Variants in HS6ST3 observed in about 807,000 individuals in gnomAD.
HS6ST3 encodes the protein heparan-sulfate 6-O-sulfotransferase 3.
In HS6ST3, 12 loss-of-function variants were observed where a neutral mutation model predicts 36.7. The ratio of observed to expected loss-of-function variants is 0.33; its 90% CI spans 0.21 to 0.53. HS6ST3 has a LOEUF of 0.53. HS6ST3 is among the 20% of genes least tolerant of loss of function. HS6ST3 has a pLI of 0.95. For synonymous variants in HS6ST3, 240 were observed against 257.5 expected (o/e 0.93, Z 0.65); for missense variants, 584 against 640.9 (o/e 0.91, Z 0.96).
intron 1 of HS6ST3, among the ~76,000 whole-genome samples, chr13:96,350,865 C>G (rs1440286971): frequency 6.6e-6 from 1 of 152,148 alleles, no homozygotes; most frequent in East Asian, 1.9e-4. Context: ...TCCCAGGTCT[C>G]AAAAATGCTC....
chr13:96,600,346 A>G (rs923364137), intron 1 of HS6ST3, among the ~76,000 whole-genome samples: 5 of 151,514 alleles, frequency 3.3e-5, no homozygotes, highest in Non-Finnish European at 7.4e-5. Context: ...ACACACACAC[A>G]CACACACACA....
chr13:96,172,788 C>G (rs1237541064), intron 1 of HS6ST3, among the ~76,000 whole-genome samples: 2 of 152,120 alleles, frequency 1.3e-5, no homozygotes, highest in African/African-American at 4.8e-5. Context: ...AAAGGTGTTG[C>G]TTACATTGTC....
intron 1 of HS6ST3, among the ~76,000 whole-genome samples, chr13:96,428,650 G>A (rs1236172457): frequency 2.0e-5 from 3 of 152,110 alleles, no homozygotes; most frequent in Admixed American, 1.3e-4. Flanking sequence ...TTCAAATAAT[G>A]TCAGGTACAA....
intron 1 of HS6ST3, among the ~76,000 whole-genome samples, chr13:96,104,142 G>C (rs1415012043): frequency 6.6e-6 from 1 of 152,088 alleles, no homozygotes; most frequent in Non-Finnish European, 1.5e-5. Flanking sequence ...TTTCTGATTT[G>C]AGAAGACTGT....
At chr13:96,262,341 T>C (rs2054670477) in intron 1 of HS6ST3, among the ~76,000 whole-genome samples, 2 of 152,162 alleles carry the variant, frequency 1.3e-5, no homozygotes, top group Non-Finnish European at 2.9e-5. Flanking sequence ...GGTTGAGCTT[T>C]AAGACAGAAG....
At chr13:96,820,956 C>T (rs958290014) in intron 1 of HS6ST3, among the ~76,000 whole-genome samples, 1 of 152,168 alleles carries the variant, frequency 6.6e-6, no homozygotes, top group African/African-American at 2.4e-5. Flanking sequence ...GGCTTTATTT[C>T]AATTCTCTTG....
At chr13:96,173,631 T>C (rs1015599036) in intron 1 of HS6ST3, among the ~76,000 whole-genome samples, 2 of 129,194 alleles carry the variant, frequency 1.5e-5, no homozygotes, top group African/African-American at 3.0e-5. Flanking sequence ...ACTTACCTGC[T>C]ATAGCAGACT....
At chr13:96,740,332 T>G (rs1876406505) in intron 1 of HS6ST3, among the ~76,000 whole-genome samples, 1 of 152,162 alleles carries the variant, frequency 6.6e-6, no homozygotes, top group Non-Finnish European at 1.5e-5. Flanking sequence ...CATGAGAGAA[T>G]GAACACAAAG....
At chr13:96,786,145 A>G (rs1270376022) in intron 1 of HS6ST3, among the ~76,000 whole-genome samples, 1 of 151,428 alleles carries the variant, frequency 6.6e-6, no homozygotes. Flanking sequence ...ACCCTTTCTT[A>G]CTCCGTTCCC....
intron 1 of HS6ST3, among the ~76,000 whole-genome samples, chr13:96,793,778 A>G (rs1775051751): frequency 6.6e-6 from 1 of 152,044 alleles, no homozygotes; most frequent in South Asian, 2.1e-4. Flanking sequence ...ACATATTGTC[A>G]TCCTGGGATC....
At chr13:96,583,194 T>G (rs553305902) in intron 1 of HS6ST3, among the ~76,000 whole-genome samples, 13 of 135,124 alleles carry the variant, frequency 9.6e-5, no homozygotes, top group African/African-American at 3.6e-4. Flanking sequence ...CTTCAATTTC[T>G]TTTTCTTTTC....
chr13:96,480,929 G>C (rs1430144204), intron 1 of HS6ST3, among the ~76,000 whole-genome samples: 1 of 152,176 alleles, frequency 6.6e-6, no homozygotes, highest in Non-Finnish European at 1.5e-5. Context: ...GTGTACTAAA[G>C]AGAAACTAAA....
chr13:96,290,132 G>T (rs1230091741), intron 1 of HS6ST3, among the ~76,000 whole-genome samples: 12 of 151,890 alleles, frequency 7.9e-5, no homozygotes, highest in Admixed American at 5.3e-4. Flanking sequence ...CTTGCAGAGG[G>T]TGTCACTAGA....
At chr13:96,092,785 T>G (rs952297941) in intron 1 of HS6ST3, among the ~76,000 whole-genome samples, 1 of 152,186 alleles carries the variant, frequency 6.6e-6, no homozygotes, top group African/African-American at 2.4e-5. Context: ...ATGAGCAAAA[T>G]TTCATTATGA....
At chr13:96,822,305 A>T (rs1566462206) in intron 1 of HS6ST3, among the ~76,000 whole-genome samples, 1 of 152,316 alleles carries the variant, frequency 6.6e-6, no homozygotes, top group East Asian at 1.9e-4. Context: ...TGCAGCGCAA[A>T]GCAGGGCGCC....
At chr13:96,545,487 T>C (rs1369046819) in intron 1 of HS6ST3, among the ~76,000 whole-genome samples, 2 of 152,212 alleles carry the variant, frequency 1.3e-5, no homozygotes, top group Non-Finnish European at 1.5e-5. Context: ...TTGATGATCA[T>C]GGGCAGAAGA....
intron 1 of HS6ST3, among the ~76,000 whole-genome samples, chr13:96,101,439 G>C (rs777717252): frequency 2.0e-5 from 3 of 151,640 alleles, no homozygotes; most frequent in African/African-American, 7.3e-5. Flanking sequence ...CAATATTTCC[G>C]CATTTATTTT....
chr13:96,224,650 T>C (rs2054471833), intron 1 of HS6ST3, among the ~76,000 whole-genome samples: 1 of 152,190 alleles, frequency 6.6e-6, no homozygotes, highest in Non-Finnish European at 1.5e-5. Flanking sequence ...AAAACAACCT[T>C]GCTTATATAT....
At chr13:96,291,871 G>C (rs555824143) in intron 1 of HS6ST3, among the ~76,000 whole-genome samples, 2 of 152,098 alleles carry the variant, frequency 1.3e-5, no homozygotes, top group South Asian at 4.2e-4. Flanking sequence ...TTGTTTTTTG[G>C]ACAAAAAGTA....
Sources: gnomAD v4.1 joint callset for allele counts (sites outside exome capture counted in the v4.1 genomes callset) on GRCh38, gnomAD v4.1.1 for gene constraint, MANE v1.5 for transcripts, NCBI Gene and HGNC (gene_info 2026-07-23, HGNC 2026-07-21) for gene names.